UBE3C: variants seen among roughly 807,000 people sequenced by gnomAD.
UBE3C encodes ubiquitin-protein ligase E3C.
In UBE3C, 42 loss-of-function variants were observed where a neutral mutation model predicts 129.4. That is an observed-to-expected ratio of 0.32 (90% CI 0.25 to 0.42). The LOEUF is 0.42. Among genes scored for constraint, UBE3C ranks in the 10% least tolerant of loss-of-function variants. UBE3C has a pLI of 1.00. For synonymous variants in UBE3C, 510 were observed against 492.4 expected (o/e 1.04, Z -0.47); for missense variants, 1,049 against 1,319.1 (o/e 0.80, Z 3.17).
At position 157,159,971 on chromosome 7, in the gene UBE3C, T is replaced by A. The variant is rs553973771; in HGVS notation, c.67-3839T>A. ...CAGCGTAGCGTCTCGTATTCTTTTG[T>A]TGTGATTATAAACAGTTTCTTTTAC... On this transcript the variant is annotated intron_variant, in intron 1 of 22. Coordinates refer to ENST00000348165, the MANE Select transcript of UBE3C (RefSeq NM_014671.3). Among the ~76,000 whole-genome samples, 15 of 152,352 alleles carry A rather than the reference T, an allele frequency of 9.8e-5. 1 individual carries two copies. The highest frequency in any genetic ancestry group is 3.4e-4 in the African/African-American group (14 of 41,590).
intron 13 of UBE3C, among the ~76,000 whole-genome samples, chr7:157,214,317 T>G (rs564674369): frequency 6.6e-6 from 1 of 152,316 alleles, no homozygotes; most frequent in Admixed American, 6.5e-5. Context: ...TTGATAATGT[T>G]TGTAATCTGT....
intron 7 of UBE3C, 123 bp downstream of exon 7, chr7:157,181,794 G>C: frequency 7.7e-7 from 1 of 1,290,558 alleles, no homozygotes; most frequent in Non-Finnish European, 1.1e-6. Context: ...TATTAGTGTT[G>C]ATTTAGTTTA....
intron 1 of UBE3C, among the ~76,000 whole-genome samples, chr7:157,151,556 C>T (rs1166819176): frequency 6.6e-6 from 1 of 152,152 alleles, no homozygotes; most frequent in African/African-American, 2.4e-5. Flanking sequence ...CTGTTACCTT[C>T]TCCCGTATGC....
intron 19 of UBE3C, among the ~76,000 whole-genome samples, chr7:157,250,727 T>G (rs1796599871): frequency 6.6e-6 from 1 of 152,176 alleles, no homozygotes; most frequent in South Asian, 2.1e-4. Flanking sequence ...TTAGATAATT[T>G]GGCGGGGGGG....
chr7:157,209,584 T>C (rs990151029), intron 13 of UBE3C, among the ~76,000 whole-genome samples: 10 of 152,234 alleles, frequency 6.6e-5, no homozygotes, highest in Non-Finnish European at 1.3e-4. Flanking sequence ...TTTGTTTTCC[T>C]TTCAATATTT....
chr7:157,181,113 C>G (rs1354300516), intron 6 of UBE3C, among the ~76,000 whole-genome samples: 1 of 152,206 alleles, frequency 6.6e-6, no homozygotes, highest in Non-Finnish European at 1.5e-5. Flanking sequence ...CTTCCTGATG[C>G]AAGCAAACTA....
chr7:157,243,405 A>G (rs1018074395), intron 18 of UBE3C, among the ~76,000 whole-genome samples: 4 of 152,164 alleles, frequency 2.6e-5, no homozygotes, highest in Admixed American at 2.6e-4. Context: ...CAGGATTTGC[A>G]AGGCAGAGTT....
In UBE3C at chr7:157,181,604, A is replaced by G. The variant is rs778622388; in HGVS notation, c.703A>G (p.Lys235Glu). 8.7e-6 allele frequency: 14 copies of G among 1,613,712 alleles called. No individual in the cohort carries two copies. The highest frequency in any genetic ancestry group is 1.2e-5 in the Non-Finnish European group (14 of 1,179,944). ...TGATTTATCTCGAGTTCCTATAGCAAAAATTTTGCTAGAGAATGTTCTAAA... is the reference window on the plus strand; with the variant it reads ...TGATTTATCTCGAGTTCCTATAGCAGAAATTTTGCTAGAGAATGTTCTAAA... ...YSDLSRVPIAKILLENVLKPL... is the reference protein window; with the variant it reads ...YSDLSRVPIAEILLENVLKPL... Residue 235 changes from lysine to glutamate, a missense_variant, in exon 7 of 23, where the codon AAA (lysine) becomes GAA (glutamate). This residue lies in a region of UBE3C where 489 missense variants were observed against 513.8 expected (regional missense o/e 0.95). Transcript: ENST00000348165.
chr7:157,223,170 C>A, intron 15 of UBE3C, 84 bp from the exon 16 acceptor site: 1 of 1,398,946 alleles, frequency 7.1e-7, no homozygotes, highest in Non-Finnish European at 1.0e-6. Flanking sequence ...AGGATGATTT[C>A]AAGAATCTTC....
chr7:157,253,303 C>T (rs1333422738), intron 19 of UBE3C, among the ~76,000 whole-genome samples: 1 of 152,184 alleles, frequency 6.6e-6, no homozygotes, highest in East Asian at 1.9e-4. Flanking sequence ...CGCTGTGTTG[C>T]TTTTCTCATG....
intron 9 of UBE3C, among the ~76,000 whole-genome samples, chr7:157,185,521 C>A (rs1808781743): frequency 6.6e-6 from 1 of 152,172 alleles, no homozygotes; most frequent in African/African-American, 2.4e-5. Flanking sequence ...CCATTTTGAG[C>A]CAGGCACTCA....
intron 6 of UBE3C, 100 bp downstream of exon 6, chr7:157,178,947 CAG>C: frequency 7.0e-7 from 1 of 1,437,140 alleles, no homozygotes; most frequent in Non-Finnish European, 9.4e-7. Flanking sequence ...GTCTCAATGT[CAG>C]AGCGGTACTG....
At chr7:157,251,287 C>T (rs1563075219) in intron 19 of UBE3C, among the ~76,000 whole-genome samples, 1 of 152,144 alleles carries the variant, frequency 6.6e-6, no homozygotes, top group African/African-American at 2.4e-5. Flanking sequence ...TGGTGCTGCT[C>T]TCAAATTTGT....
At chr7:157,192,508 C>T in intron 10 of UBE3C, 1 of 760,310 alleles carries the variant, frequency 1.3e-6, no homozygotes, top group South Asian at 1.3e-5. Context: ...TCTTTGCTGG[C>T]AAGCAACTGG....
At chr7:157,157,751 G>C (rs572218497) in intron 1 of UBE3C, among the ~76,000 whole-genome samples, 1 of 152,134 alleles carries the variant, frequency 6.6e-6, no homozygotes, top group African/African-American at 2.4e-5. Flanking sequence ...AAGGTGGGTG[G>C]ATCACCTGAG....
chr7:157,163,666 A>G lies in UBE3C; in HGVS notation c.67-144A>G. ...AACCATTTAACTTCTTGTGCCTCAG[A>G]TTCTCTCATCTGATTAAGTCAAGAC... On this transcript the variant is annotated intron_variant, in intron 1 of 22. Coordinates refer to ENST00000348165, the MANE Select transcript of UBE3C (RefSeq NM_014671.3). 6 of 757,704 alleles carry G rather than the reference A, an allele frequency of 7.9e-6. No homozygotes were observed. In the South Asian group the frequency reaches 9.1e-5, roughly 12 times the overall value. The allele number at this position is 757,704 out of a possible 1,614,324, so 46.9% of individuals were successfully genotyped here.
At chr7:157,149,705 TG>T (rs769766308) in intron 1 of UBE3C, among the ~76,000 whole-genome samples, 13 of 152,290 alleles carry the variant, frequency 8.5e-5, no homozygotes, top group South Asian at 6.2e-4. Flanking sequence ...AAAAAATAGA[TG>T]GTCTCATAAG....
At chr7:157,244,887 T>C (rs926349997) in intron 18 of UBE3C, among the ~76,000 whole-genome samples, 3 of 152,240 alleles carry the variant, frequency 2.0e-5, no homozygotes, top group African/African-American at 4.8e-5. Flanking sequence ...GTTATTGATA[T>C]GCTTCTAGGA....
rs759454404 is a variant in UBE3C, at chr7:157,223,257, G to T, written c.2006G>T (p.Gly669Val). The T allele has an allele frequency of 1.9e-6, 3 of 1,614,034 alleles. No homozygotes were observed. Among genetic ancestry groups the T allele is most frequent in the African/African-American group, 2.7e-5 (2 of 74,930 alleles). ...AAGGTTTTAAAATGTGTTTTAGTGG[G>T]TTTGGAGTCCCCGCCGCTGTCTGTG... is the stretch of plus-strand genomic sequence containing the variant. The part of the protein sequence containing the change: ...IGPLQSTLDV[G>V]LESPPLSVSE... The change falls in exon 16 of 23, where the codon GGT becomes GTT. Residue 669 changes from glycine to valine, a missense_variant. Physicochemically the swap from Gly to Val is moderately radical, Grantham distance 109. This residue lies in a region of UBE3C where 314 missense variants were observed against 416.9 expected (regional missense o/e 0.75). Transcript: ENST00000348165.
Sources: gnomAD v4.1 joint callset for allele counts (sites outside exome capture counted in the v4.1 genomes callset) on GRCh38, gnomAD v4.1.1 for gene constraint, gnomAD v4.1.1 regional missense constraint, MANE v1.5 for transcripts, NCBI Gene and HGNC (gene_info 2026-07-23, HGNC 2026-07-21) for gene names.